RIPK1: variants seen among roughly 807,000 people sequenced by gnomAD.
RIPK1 encodes the protein receptor interacting serine/threonine kinase 1.
Under a neutral mutation model 62.4 loss-of-function variants are expected in RIPK1, and 27 were observed. The observed-to-expected ratio is 0.43, with a 90% confidence interval of 0.32 to 0.60. The LOEUF (loss-of-function observed/expected upper bound fraction) is 0.60. Ranked by LOEUF, RIPK1 falls within the 20% of genes least tolerant of loss-of-function variation. RIPK1 has a pLI of 0.07. For missense variants in RIPK1, 735 were observed against 831.0 expected (o/e 0.88, Z 1.42); for synonymous variants, 287 against 303.2 (o/e 0.95, Z 0.55).
intron 10 of RIPK1, among the ~76,000 whole-genome samples, chr6:3,111,156 A>G (rs538886652): frequency 2.6e-5 from 4 of 152,284 alleles, no homozygotes; most frequent in African/African-American, 9.6e-5. Context: ...ACAGTATTTA[A>G]TTTATGGATT....
In RIPK1 at chr6:3,094,122, C is replaced by T. The variant is rs13206448; in HGVS notation, c.915+4465C>T. Among the ~76,000 whole-genome samples, 70 of 129,240 alleles carry T rather than the reference C, an allele frequency of 5.4e-4. 3 individuals are homozygous for T. Among genetic ancestry groups the T allele is most frequent in the African/African-American group, 2.2e-3 (49 of 22,666 alleles). The allele number at this position is 129,240 out of a possible 152,430, so 84.8% of individuals were successfully genotyped here. On this transcript the variant is annotated intron_variant, in intron 7 of 10. Transcript: ENST00000259808. ...TAGTAACTGCAGAGTACCTACCTGC[C>T]GCACCTAGTAACTGCAGAGTACCTA... is the stretch of plus-strand genomic sequence containing the variant.
At chr6:3,089,188 A>G (rs1225775881) in intron 6 of RIPK1, among the ~76,000 whole-genome samples, 1 of 152,206 alleles carries the variant, frequency 6.6e-6, no homozygotes, top group Non-Finnish European at 1.5e-5. Context: ...GCTGTAACCC[A>G]TTACACTAAA....
chr6:3,071,968 C>A lies in RIPK1; in HGVS notation c.-61+3307C>A, dbSNP rs142514910. ...GGCATGTTGTAGTTCCTGCCTGTTT[C>A]TTTACTGTCTGTGACCTTTTTTAAA... On this transcript the variant is annotated intron_variant, in intron 1 of 10. Coordinates refer to ENST00000259808, the MANE Select transcript of RIPK1 (RefSeq NM_001354930.2). Among the ~76,000 whole-genome samples the A allele has an allele frequency of 3.5e-3, 535 of 152,316 alleles. 1 individual carries two copies. Among genetic ancestry groups the A allele is most frequent in the Non-Finnish European group, 4.6e-3 (314 of 68,002 alleles).
At chr6:3,070,150 A>G (rs1209896139) in intron 1 of RIPK1, among the ~76,000 whole-genome samples, 2 of 152,150 alleles carry the variant, frequency 1.3e-5, no homozygotes, top group African/African-American at 4.8e-5. Context: ...TTTAATACTC[A>G]TTTTCCTCTG....
At chr6:3,100,791 C>T (rs1004468499) in intron 7 of RIPK1, among the ~76,000 whole-genome samples, 1 of 151,744 alleles carries the variant, frequency 6.6e-6, no homozygotes, top group Non-Finnish European at 1.5e-5. Context: ...TGGGGTTTCA[C>T]CATGTTGGCC....
At chr6:3,071,961 C>T (rs1217681891) in intron 1 of RIPK1, among the ~76,000 whole-genome samples, 1 of 152,210 alleles carries the variant, frequency 6.6e-6, no homozygotes, top group Non-Finnish European at 1.5e-5. Flanking sequence ...GTAGTTCCTG[C>T]CTGTTTCTTT....
chr6:3,067,671 G>A (rs549716176), upstream of RIPK1, among the ~76,000 whole-genome samples: 4 of 151,550 alleles, frequency 2.6e-5, no homozygotes, highest in South Asian at 8.3e-4. Context: ...CCCAGTCTGT[G>A]GCTCGTGTTG....
chr6:3,108,721 T>A (rs1470570019), intron 9 of RIPK1, among the ~76,000 whole-genome samples: 1 of 152,136 alleles, frequency 6.6e-6, no homozygotes, highest in Non-Finnish European at 1.5e-5. Context: ...CCTCAGAGAC[T>A]GTCACAGGGG....
Position 3,076,786 on chromosome 6 carries a change from A to C in RIPK1, c.-38A>C, listed in dbSNP as rs200422354. On this transcript the variant is annotated 5_prime_UTR_variant, in exon 2 of 11. Coordinates refer to ENST00000259808, the MANE Select transcript of RIPK1 (RefSeq NM_001354930.2). ...CAGGGTACAGCTCTGCCGGGGGGGGAAAAAGTGGTACCATTTTGGGCGTTC... is the reference window on the plus strand; with the variant it reads ...CAGGGTACAGCTCTGCCGGGGGGGGCAAAAGTGGTACCATTTTGGGCGTTC... The C allele has an allele frequency of 3.2e-6, 5 of 1,574,942 alleles. No individual in the cohort carries two copies. In the South Asian group the frequency reaches 5.6e-5, roughly 18 times the overall value.
chr6:3,090,763 CACCTACCT>C (rs1760018916), intron 7 of RIPK1, among the ~76,000 whole-genome samples: 3 of 150,048 alleles, frequency 2.0e-5, no homozygotes, highest in South Asian at 2.1e-4. Flanking sequence ...AACCGCAGCG[CACCTACCT>C]GCCGCACCTA....
intron 3 of RIPK1, among the ~76,000 whole-genome samples, chr6:3,079,842 C>T (rs1045932874): frequency 1.3e-5 from 2 of 152,218 alleles, no homozygotes; most frequent in African/African-American, 4.8e-5. Context: ...AGTCTTTGGT[C>T]TCCCATCCAA....
In RIPK1 at chr6:3,106,003, T is replaced by C. The variant is rs114570616; in HGVS notation, c.1528T>C (p.Tyr510His). ...TAATATCCCAGTGCCTGAGACCAAC[T>C]ATCTAGGAAATACACCCACCATGCC... ...LHNIPVPETN[Y>H]LGNTPTMPFS... The change falls in exon 9 of 11, where the codon TAT becomes CAT. Residue 510 changes from tyrosine to histidine, a missense_variant. Transcript: ENST00000259808. The C allele has an allele frequency of 1.9e-5, 30 of 1,613,396 alleles. No homozygotes were observed. The African/African-American group carries it at 3.7e-4, about 20-fold the overall frequency.
chr6:3,109,976 A>G (rs1402935724), intron 9 of RIPK1, among the ~76,000 whole-genome samples: 2 of 152,164 alleles, frequency 1.3e-5, no homozygotes, highest in African/African-American at 4.8e-5. Flanking sequence ...TTCCTTTTCA[A>G]GGCTGACTAT....
intron 2 of RIPK1, 94 bp from the exon 3 acceptor site, chr6:3,077,685 C>T: frequency 1.4e-6 from 2 of 1,387,816 alleles, no homozygotes; most frequent in African/African-American, 1.4e-5. Context: ...CCAAGCATGA[C>T]CCCAGCACGT....
In RIPK1 at chr6:3,076,783, G is replaced by T. The variant is rs757724449; in HGVS notation, c.-41G>T. 24 of 1,606,128 alleles carry T rather than the reference G, an allele frequency of 1.5e-5. No homozygotes were observed. Among genetic ancestry groups the T allele is most frequent in the Admixed American group, 6.7e-5 (4 of 59,654 alleles). ...TTACAGGGTACAGCTCTGCCGGGGG[G>T]GGAAAAAGTGGTACCATTTTGGGCG... On this transcript the variant is annotated 5_prime_UTR_variant, in exon 2 of 11. Coordinates refer to ENST00000259808, the MANE Select transcript of RIPK1 (RefSeq NM_001354930.2).
intron 5 of RIPK1, among the ~76,000 whole-genome samples, chr6:3,083,951 T>C (rs752810471): frequency 3.9e-5 from 6 of 152,136 alleles, no homozygotes; most frequent in Non-Finnish European, 8.8e-5. Flanking sequence ...TTCACCCCTC[T>C]TCATATGCTT....
intron 1 of RIPK1, 48 bp from the exon 2 acceptor site, chr6:3,076,716 A>G (rs1263482586): frequency 2.5e-6 from 1 of 394,620 alleles, no homozygotes; most frequent in Non-Finnish European, 4.0e-6. Context: ...ATATATATAT[A>G]TATATATATA....
chr6:3,104,637 G>A (rs17548280), intron 8 of RIPK1, among the ~76,000 whole-genome samples: 23,046 of 151,990 alleles, frequency 0.15, 4,585 homozygotes, highest in African/African-American at 0.46. Flanking sequence ...TACAGCCAGG[G>A]TACAAGCAGA....
chr6:3,067,639 A>G (rs1254675088), upstream of RIPK1, among the ~76,000 whole-genome samples: 1 of 151,418 alleles, frequency 6.6e-6, no homozygotes, highest in Non-Finnish European at 1.5e-5. Flanking sequence ...TTTATCAGAT[A>G]TGTCTTTTGC....
Sources: gnomAD v4.1 joint callset for allele counts (sites outside exome capture counted in the v4.1 genomes callset) on GRCh38, gnomAD v4.1.1 for gene constraint, MANE v1.5 for transcripts, NCBI Gene and HGNC (gene_info 2026-07-23, HGNC 2026-07-21) for gene names.